PRR14L: variants seen among roughly 807,000 people sequenced by gnomAD.
The protein encoded by PRR14L is protein PRR14L.
A neutral mutation model predicts 155.0 loss-of-function variants in PRR14L; 80 were observed. That is an observed-to-expected ratio of 0.52 (90% CI 0.43 to 0.62). The LOEUF (loss-of-function observed/expected upper bound fraction) is 0.62. Among genes scored for constraint, PRR14L ranks in the 20% least tolerant of loss-of-function variants. PRR14L has a pLI of 0.00. For synonymous variants in PRR14L, 883 were observed against 916.0 expected, an observed-to-expected ratio of 0.96 and a Z score of 0.65; for missense variants, 2,469 against 2,548.0, an observed-to-expected ratio of 0.97 and a Z score of 0.67.
chr22:31,725,461 C>A, intron 3 of PRR14L, 77 bp downstream of exon 3: 1 of 958,946 alleles, frequency 1.0e-6, no homozygotes, highest in South Asian at 1.4e-5. Flanking sequence ...CTTATATTCT[C>A]AATGCAAAAT....
rs745720123 is a variant in PRR14L, at chr22:31,712,312, T to C, written c.5527A>G (p.Ser1843Gly). Residue 1843 changes from serine to glycine, a missense_variant, in exon 4 of 9, where the codon AGC becomes GGC. Transcript: ENST00000327423. ...AGCCTCTGCATGGTAGGCATGTGGC[T>C]GGAGAAGCTCCGTTTTTTTGTCCAG... ...RIWTKKRSFS[S>G]HMPTMQRLFM... The C allele has an allele frequency of 1.2e-6, 2 of 1,614,192 alleles. No individual in the cohort carries two copies. Among genetic ancestry groups the C allele is most frequent in the South Asian group, 2.2e-5 (2 of 91,084 alleles).
intron 4 of PRR14L, among the ~76,000 whole-genome samples, chr22:31,709,316 G>A (rs1391852214): frequency 2.7e-5 from 4 of 150,466 alleles, no homozygotes; most frequent in South Asian, 2.1e-4. Flanking sequence ...GCGATGGCAC[G>A]ATCTTGGCTC....
At chr22:31,720,335 T>A (rs2074683139) in intron 3 of PRR14L, among the ~76,000 whole-genome samples, 1 of 152,212 alleles carries the variant, frequency 6.6e-6, no homozygotes, top group African/African-American at 2.4e-5. Context: ...ACCAATCATT[T>A]ACAAAAGGCA....
At chr22:31,727,853 G>A (rs921612057) in intron 2 of PRR14L, among the ~76,000 whole-genome samples, 3 of 151,734 alleles carry the variant, frequency 2.0e-5, no homozygotes, top group Non-Finnish European at 2.9e-5. Context: ...ATGGTGGTGC[G>A]TGCCTGTAAT....
chr22:31,724,677 C>T (rs2074707580), intron 3 of PRR14L, among the ~76,000 whole-genome samples: 1 of 152,190 alleles, frequency 6.6e-6, no homozygotes, highest in African/African-American at 2.4e-5. Context: ...GGATTACAGA[C>T]GTGAGCCACT....
At chr22:31,696,509 G>C (rs937366641) in intron 7 of PRR14L, among the ~76,000 whole-genome samples, 1 of 152,050 alleles carries the variant, frequency 6.6e-6, no homozygotes, top group Non-Finnish European at 1.5e-5. Context: ...CTGGGCTCAA[G>C]TGATCCTCCC....
intron 1 of PRR14L, among the ~76,000 whole-genome samples, chr22:31,740,587 C>T (rs1357092784): frequency 6.6e-6 from 1 of 151,950 alleles, no homozygotes; most frequent in Non-Finnish European, 1.5e-5. Context: ...TCTCCAACTC[C>T]TGAGCTCAAG....
chr22:31,737,163 T>C (rs1016555395), intron 2 of PRR14L, among the ~76,000 whole-genome samples: 2 of 151,864 alleles, frequency 1.3e-5, no homozygotes, highest in African/African-American at 4.8e-5. Context: ...GAGAGTCCGC[T>C]GGACAGGTAC....
chr22:31,720,468 C>T (rs1016364050), intron 3 of PRR14L, among the ~76,000 whole-genome samples: 1 of 152,206 alleles, frequency 6.6e-6, no homozygotes, highest in African/African-American at 2.4e-5. Context: ...CGTGGTGGCT[C>T]ACACCTGTAA....
rs1303182227 is a variant in PRR14L at position 31,713,418 on chromosome 22, T to A, written c.4421A>T (p.His1474Leu). The A allele has an allele frequency of 2.6e-6, 4 of 1,551,880 alleles. No homozygotes were observed. The highest frequency in any genetic ancestry group is 3.5e-6 in the Non-Finnish European group (4 of 1,147,050). ...TGACTCAGTGTCCTTCCTTAATGGA[T>A]GATGTAACCTTTCCTCCTTCTGGTC... ...LEDQKEERLH[H>L]PLRKDTESCT... The change falls in exon 4 of 9, where the codon CAT becomes CTT. Residue 1474 changes from histidine (H) to leucine (L), a missense_variant. His to Leu is a moderately conservative substitution (Grantham distance 99). Coordinates refer to ENST00000327423, the MANE Select transcript of PRR14L (RefSeq NM_173566.3).
rs2074477159 is a variant in PRR14L, at chr22:31,685,395, A to G, written c.*132T>C. ...ATAGGTAAAAATTCATGGACTGTGC[A>G]TTTTTGAGTGGTTTGGCGGTAGGGC... On this transcript the variant is annotated 3_prime_UTR_variant, in exon 9 of 9. Coordinates refer to ENST00000327423, the MANE Select transcript of PRR14L (RefSeq NM_173566.3). 1 of 725,160 alleles carries G rather than the reference A, an allele frequency of 1.4e-6. No individual in the cohort carries two copies. The highest frequency in any genetic ancestry group is 2.2e-6 in the Non-Finnish European group (1 of 451,450). 44.9% of individuals were successfully genotyped at this position (725,160 alleles called of 1,614,324 possible).
rs1455586521 is a variant in PRR14L, at chr22:31,716,436, G to T, written c.1403C>A (p.Thr468Lys). Residue 468 changes from threonine (T) to lysine (K), a missense_variant, in exon 4 of 9, where the codon ACA becomes AAA. Physicochemically the swap from Thr to Lys is moderately conservative, Grantham distance 78. This residue lies in a region of PRR14L where 2,363 missense variants were observed against 2,371.6 expected (regional missense o/e 1.00). Coordinates refer to ENST00000327423, the MANE Select transcript of PRR14L (RefSeq NM_173566.3). ...ATCATTTTTATTTAACATTACTTCT[G>T]TGGCTTCAGTAAAAGAATTGGGCAT... Reference protein sequence around the residue: ...SLMPNSFTEATEVMLNKNDLK... With the variant: ...SLMPNSFTEAKEVMLNKNDLK... The T allele has an allele frequency of 1.3e-6, 2 of 1,551,348 alleles. No homozygotes were observed. Among genetic ancestry groups the T allele is most frequent in the Admixed American group, 3.9e-5 (2 of 50,882 alleles).
chr22:31,738,331 C>T, intron 2 of PRR14L, 56 bp downstream of exon 2: 2 of 1,347,226 alleles, frequency 1.5e-6, no homozygotes, highest in South Asian at 2.7e-5. Flanking sequence ...TGTATTTTAT[C>T]CAGAGAAAGC....
At chr22:31,710,619 A>AT (rs921188599) in intron 4 of PRR14L, among the ~76,000 whole-genome samples, 26 of 151,616 alleles carry the variant, frequency 1.7e-4, no homozygotes, top group African/African-American at 5.6e-4. Flanking sequence ...TGCCCGGCTA[A>AT]TTTTTTTTGT....
At chr22:31,707,276 A>C (rs953631415) in intron 4 of PRR14L, among the ~76,000 whole-genome samples, 1 of 152,194 alleles carries the variant, frequency 6.6e-6, no homozygotes, top group African/African-American at 2.4e-5. Flanking sequence ...GGAAAGAAAG[A>C]GCTCTCGAAG....
At chr22:31,691,837 G>C (rs1030578378) in intron 7 of PRR14L, among the ~76,000 whole-genome samples, 6 of 151,272 alleles carry the variant, frequency 4.0e-5, no homozygotes, top group African/African-American at 1.5e-4. Flanking sequence ...GAATATTCAT[G>C]CACAGGTTTT....
chr22:31,688,107 T>C (rs752136501), intron 8 of PRR14L, 49 bp downstream of exon 8: 3 of 1,531,372 alleles, frequency 2.0e-6, no homozygotes, highest in Non-Finnish European at 2.7e-6. Flanking sequence ...GAGATTCACA[T>C]CAATCATTTC....
At chr22:31,697,209 C>T (rs146622009) in intron 7 of PRR14L, among the ~76,000 whole-genome samples, 1,723 of 148,626 alleles carry the variant, frequency 0.012, 28 homozygotes, top group African/African-American at 0.039. Context: ...GGCTGAGCCA[C>T]GAGAATCACT....
At chr22:31,706,787 C>T (rs906298347) in intron 4 of PRR14L, among the ~76,000 whole-genome samples, 2 of 152,056 alleles carry the variant, frequency 1.3e-5, no homozygotes, top group Non-Finnish European at 2.9e-5. Flanking sequence ...TGGTGGCTCG[C>T]GCCTATAATT....
Sources: gnomAD v4.1 joint callset for allele counts (sites outside exome capture counted in the v4.1 genomes callset) on GRCh38, gnomAD v4.1.1 for gene constraint, gnomAD v4.1.1 regional missense constraint, MANE v1.5 for transcripts, NCBI Gene and HGNC (gene_info 2026-07-23, HGNC 2026-07-21) for gene names.